Variants in PTPA observed in about 807,000 individuals in gnomAD.
PTPA encodes the protein protein phosphatase 2 phosphatase activator.
PTPA carries 13 observed loss-of-function variants against 43.6 expected under a neutral mutation model. The observed-to-expected ratio is 0.30, with a 90% CI of 0.19 to 0.47. The LOEUF is 0.47. Among genes scored for constraint, PTPA ranks in the 20% least tolerant of loss-of-function variants. The pLI is 0.99. For synonymous variants in PTPA, 172 were observed against 158.2 expected, an observed-to-expected ratio of 1.09 and a Z score of -0.66; for missense variants, 329 against 411.9, an observed-to-expected ratio of 0.80 and a Z score of 1.74.
chr9:129,123,766 C>T (rs1242131918), intron 3 of PTPA, among the ~76,000 whole-genome samples: 1 of 151,962 alleles, frequency 6.6e-6, no homozygotes, highest in African/African-American at 2.4e-5. Flanking sequence ...TCACCAAAAC[C>T]TCTGCCTCCT....
intron 1 of PTPA, among the ~76,000 whole-genome samples, chr9:129,120,011 C>T (rs1220924783): frequency 6.6e-6 from 1 of 152,154 alleles, no homozygotes; most frequent in Non-Finnish European, 1.5e-5. Context: ...GTAATCCCAA[C>T]ACTTTGGAGG....
chr9:129,113,522 A>G (rs1848678869), intron 1 of PTPA, among the ~76,000 whole-genome samples: 2 of 151,158 alleles, frequency 1.3e-5, no homozygotes, highest in African/African-American at 4.9e-5. Flanking sequence ...TAATCCCAGC[A>G]CTTTGGGAGG....
intron 8 of PTPA, among the ~76,000 whole-genome samples, chr9:129,141,275 T>C (rs945465902): frequency 3.9e-5 from 6 of 152,144 alleles, no homozygotes; most frequent in African/African-American, 7.2e-5. Context: ...CTGAGGGCTC[T>C]TGTGGTGAAC....
At chr9:129,144,118 AC>A (rs1376140804) in intron 9 of PTPA, among the ~76,000 whole-genome samples, 1 of 151,562 alleles carries the variant, frequency 6.6e-6, no homozygotes, top group Non-Finnish European at 1.5e-5. Flanking sequence ...AGGGCAAGAG[AC>A]CCTGTCCCCT....
intron 3 of PTPA, among the ~76,000 whole-genome samples, chr9:129,124,560 G>A (rs771202531): frequency 1.3e-4 from 20 of 152,314 alleles, no homozygotes; most frequent in Non-Finnish European, 2.5e-4. Context: ...TTGTTTCAGA[G>A]ATAGTTTTGT....
At chr9:129,121,174 G>C (rs147541699) in intron 2 of PTPA, among the ~76,000 whole-genome samples, 306 of 152,334 alleles carry the variant, frequency 2.0e-3, no homozygotes, top group African/African-American at 6.7e-3. Flanking sequence ...CTGAGCAAAA[G>C]AAAGCCAATT....
In PTPA at chr9:129,147,596, G is replaced by T; in HGVS notation, c.*132G>T. ...AGAGGCTGTTTACTGGGGTGGGGTG[G>T]CGAGATGGGCTTGAGGGGGCTCAGA... On this transcript the variant is annotated 3_prime_UTR_variant, in exon 10 of 10. Coordinates refer to ENST00000393370, the MANE Select transcript of PTPA (RefSeq NM_178000.3). 1.0e-6 allele frequency: 1 copy of T among 998,206 alleles called. No homozygotes were observed. The allele number at this position is 998,206 out of a possible 1,614,324, so 61.8% of individuals were successfully genotyped here.
chr9:129,132,383 G>A (rs1428224377), intron 5 of PTPA, among the ~76,000 whole-genome samples: 1 of 152,098 alleles, frequency 6.6e-6, no homozygotes, highest in Non-Finnish European at 1.5e-5. Context: ...GGGCTGCAGT[G>A]CAGTGATGTG....
chr9:129,129,131 G>GC, intron 4 of PTPA, 21 bp downstream of exon 4: 1 of 1,611,084 alleles, frequency 6.2e-7, no homozygotes. Context: ...CACAGGACAG[G>GC]CCAGGGACTG....
At position 129,147,813 on chromosome 9, in the gene PTPA, C is replaced by T. The variant is rs1283163569; in HGVS notation, c.*349C>T. The stretch of plus-strand genomic sequence containing the variant: ...GAGAGCAGGGGCTGTTCTGCAGCAC[C>T]GCAGGGAAGGGAGGAGAGATACCTG... On this transcript the variant is annotated 3_prime_UTR_variant, in exon 10 of 10. Coordinates refer to ENST00000393370, the MANE Select transcript of PTPA (RefSeq NM_178000.3). 6.6e-6 allele frequency: 2 copies of T among 301,638 alleles called. No individual in the cohort carries two copies. The highest frequency in any genetic ancestry group is 1.3e-5 in the Non-Finnish European group (2 of 156,582). The allele number at this position is 301,638 out of a possible 1,614,324, so 18.7% of individuals were successfully genotyped here.
At chr9:129,143,552 G>A in intron 9 of PTPA, 2 of 666,682 alleles carry the variant, frequency 3.0e-6, no homozygotes, top group South Asian at 3.2e-5. Flanking sequence ...GGCCAGCGGG[G>A]TGGGGGAGCA....
chr9:129,142,515 A>G lies in PTPA; in HGVS notation c.857A>G (p.Lys286Arg), dbSNP rs765547176. 4 of 1,613,840 alleles carry G rather than the reference A, an allele frequency of 2.5e-6. No homozygotes were observed. Among genetic ancestry groups the G allele is most frequent in the Non-Finnish European group, 3.4e-6 (4 of 1,179,788 alleles). Residue 286 changes from lysine to arginine, a missense_variant, in exon 9 of 10, where the codon AAA becomes AGA. Physicochemically the swap from Lys to Arg is conservative, Grantham distance 26. Coordinates refer to ENST00000393370, the MANE Select transcript of PTPA (RefSeq NM_178000.3). ...WNISAVPSWS[K>R]VNQGLIRMYK... Reference sequence around the variant, plus strand: ...ATCAGCGCCGTCCCTTCCTGGTCCAAAGTGAACCAGGGTCTCATCCGCATG... The same window carrying G: ...ATCAGCGCCGTCCCTTCCTGGTCCAGAGTGAACCAGGGTCTCATCCGCATG...
intron 9 of PTPA, among the ~76,000 whole-genome samples, chr9:129,146,488 C>A (rs1204601491): frequency 6.6e-6 from 1 of 152,248 alleles, no homozygotes; most frequent in African/African-American, 2.4e-5. Context: ...CTCTTACTCT[C>A]TCTGAGGCCA....
At chr9:129,126,157 A>G (rs865875204) in intron 3 of PTPA, among the ~76,000 whole-genome samples, 1 of 152,044 alleles carries the variant, frequency 6.6e-6, no homozygotes, top group East Asian at 1.9e-4. Flanking sequence ...TCAAAAAGAA[A>G]AAAAAAACTA....
intron 3 of PTPA, among the ~76,000 whole-genome samples, chr9:129,125,837 A>G (rs10988217): frequency 0.45 from 68,727 of 152,136 alleles, 18,858 homozygotes; most frequent in Non-Finnish European, 0.61. Context: ...CTAATTTTCA[A>G]TAGTGTTGTT....
intron 4 of PTPA, among the ~76,000 whole-genome samples, chr9:129,130,167 C>G (rs1849861736): frequency 6.6e-6 from 1 of 152,180 alleles, no homozygotes; most frequent in South Asian, 2.1e-4. Flanking sequence ...TGCAGGATCT[C>G]AGACCCTGTC....
At chr9:129,114,223 G>T (rs192090931) in intron 1 of PTPA, among the ~76,000 whole-genome samples, 1 of 152,080 alleles carries the variant, frequency 6.6e-6, no homozygotes, top group Non-Finnish European at 1.5e-5. Context: ...GGATTTCGCC[G>T]TGTGGGCCAG....
intron 8 of PTPA, chr9:129,141,589 C>T (rs1850838143): frequency 6.6e-6 from 1 of 152,330 alleles, no homozygotes; most frequent in East Asian, 1.9e-4. Context: ...AGGCGTCCCT[C>T]TGTGGTTTCT....
intron 5 of PTPA, among the ~76,000 whole-genome samples, 181 bp from the exon 6 acceptor site, chr9:129,134,611 GTAT>G (rs1850230434): frequency 6.6e-6 from 1 of 152,112 alleles, no homozygotes; most frequent in Non-Finnish European, 1.5e-5. Context: ...GCCAGTACTG[GTAT>G]TATAGTTCTT....
Sources: gnomAD v4.1 joint callset for allele counts (sites outside exome capture counted in the v4.1 genomes callset) on GRCh38, gnomAD v4.1.1 for gene constraint, MANE v1.5 for transcripts, NCBI Gene and HGNC (gene_info 2026-07-23, HGNC 2026-07-21) for gene names.